The following VIPAS39 variants were observed in gnomAD, a reference collection of about 807,000 sequenced individuals.
VIPAS39 encodes VPS33B interacting protein, apical-basolateral polarity regulator, spe-39 homolog.
A neutral mutation model predicts 84.7 loss-of-function variants in VIPAS39; 63 were observed. That is an observed-to-expected ratio of 0.74 (90% CI 0.61 to 0.92). The LOEUF is 0.92. Among genes scored for constraint, VIPAS39 ranks in the 40% least tolerant of loss-of-function variants. The pLI, the probability that VIPAS39 is intolerant of heterozygous loss-of-function variation, is 0.00. For missense variants in VIPAS39, 499 were observed against 604.5 expected (o/e 0.83, Z 1.83); for synonymous variants, 192 against 216.5 (o/e 0.89, Z 0.99).
chr14:77,448,731 C>T (rs1045955132), intron 6 of VIPAS39, among the ~76,000 whole-genome samples, 181 bp from the exon 7 acceptor site: 1 of 152,096 alleles, frequency 6.6e-6, no homozygotes, highest in Non-Finnish European at 1.5e-5. Context: ...GGAACTAGAG[C>T]AGGGGCAATA....
Position 77,457,490 on chromosome 14 carries a change from C to T in VIPAS39, c.-1+5G>A. ...CGCGACCCAAGGGGCTTGGGACACC[C>T]TCACCTCTTCCGCACAGAGCCCTCC... is the stretch of plus-strand genomic sequence containing the variant. On this transcript the variant is annotated splice_donor_5th_base_variant and intron_variant, in intron 1 of 19. Coordinates refer to ENST00000557658, the MANE Select transcript of VIPAS39 (RefSeq NM_001193315.2). 1 of 1,208,028 alleles carries T rather than the reference C, an allele frequency of 8.3e-7. No individual in the cohort carries two copies. Among genetic ancestry groups the T allele is most frequent in the Non-Finnish European group, 1.2e-6 (1 of 856,580 alleles). 74.8% of individuals were successfully genotyped at this position (1,208,028 alleles called of 1,614,324 possible). A position where few individuals can be genotyped will look rare whatever the true frequency, so the allele number is the denominator to read the frequency against.
chr14:77,442,798 T>A lies in VIPAS39; in HGVS notation c.632-136A>T, dbSNP rs114931460. 22,749 of 865,696 alleles carry A rather than the reference T, an allele frequency of 0.026. 405 individuals are homozygous for A. The highest frequency in any genetic ancestry group is 0.033 in the Non-Finnish European group (17,278 of 525,338). 53.6% of individuals were successfully genotyped at this position (865,696 alleles called of 1,614,324 possible). A position where few individuals can be genotyped will look rare whatever the true frequency, so the allele number is the denominator to read the frequency against. ...AAGCTAAGAATGGTTTACCCCTATG[T>A]CTTAATTCACCATCAACACACTCAG... On this transcript the variant is annotated intron_variant, in intron 9 of 19. Coordinates refer to ENST00000557658, the MANE Select transcript of VIPAS39 (RefSeq NM_001193315.2).
At chr14:77,434,409 C>A in intron 14 of VIPAS39, 106 bp from the exon 15 acceptor site, 1 of 1,024,432 alleles carries the variant, frequency 9.8e-7, no homozygotes, top group East Asian at 2.4e-5. Context: ...TCTTACTCTG[C>A]TGCCATTTAA....
intron 7 of VIPAS39, among the ~76,000 whole-genome samples, chr14:77,446,502 T>C (rs1363824252): frequency 6.6e-6 from 1 of 152,128 alleles, no homozygotes; most frequent in Non-Finnish European, 1.5e-5. Context: ...ATTATTATGA[T>C]CATTGCCAAT....
chr14:77,438,559 A>G (rs2078652273), intron 11 of VIPAS39, among the ~76,000 whole-genome samples: 1 of 152,264 alleles, frequency 6.6e-6, no homozygotes, highest in Non-Finnish European at 1.5e-5. Flanking sequence ...CATTGTAGAA[A>G]GTTCTATTGG....
intron 1 of VIPAS39, among the ~76,000 whole-genome samples, chr14:77,455,002 A>C (rs1045927906): frequency 5.3e-5 from 8 of 152,234 alleles, no homozygotes; most frequent in Admixed American, 2.0e-4. Flanking sequence ...CAATTAAAAG[A>C]AGCAGAATTA....
chr14:77,429,247 G>A (rs2078481273), intron 17 of VIPAS39, 152 bp from the exon 18 acceptor site: 1 of 709,448 alleles, frequency 1.4e-6, no homozygotes, highest in East Asian at 2.8e-5. Flanking sequence ...TTCTGCAATG[G>A]GAATGAGGTA....
At position 77,426,966 on chromosome 14, in the gene VIPAS39, G is replaced by A. The variant is rs1466890725; in HGVS notation, c.*650C>T. The A allele has an allele frequency of 6.6e-6, 1 of 152,634 alleles. No individual in the cohort carries two copies. The highest frequency in any genetic ancestry group is 1.5e-5 in the Non-Finnish European group (1 of 68,406). The allele number at this position is 152,634 out of a possible 1,614,324, so 9.5% of individuals were successfully genotyped here. On this transcript the variant is annotated 3_prime_UTR_variant, in exon 20 of 20. Transcript: ENST00000557658. ...GCCAGCAGTAGAGGAAGAGATAAAG[G>A]GGATGTCTCATCACCCAAGCAAGGT... is the stretch of plus-strand genomic sequence containing the variant.
At chr14:77,438,059 C>G (rs2078642108) in intron 11 of VIPAS39, among the ~76,000 whole-genome samples, 178 bp from the exon 12 acceptor site, 1 of 152,086 alleles carries the variant, frequency 6.6e-6, no homozygotes, top group Admixed American at 6.5e-5. Flanking sequence ...GTAGGTTTAT[C>G]TATAACTGCA....
chr14:77,436,904 G>A (rs1026407794), intron 12 of VIPAS39, among the ~76,000 whole-genome samples: 11 of 152,152 alleles, frequency 7.2e-5, no homozygotes, highest in African/African-American at 2.7e-4. Flanking sequence ...CTCACTCCAG[G>A]AAGAATTCTG....
In VIPAS39 at chr14:77,433,486, C is replaced by G. The variant is rs138343990; in HGVS notation, c.1179+356G>C. Among the ~76,000 whole-genome samples the G allele has an allele frequency of 6.3e-3, 958 of 152,296 alleles. 11 individuals are homozygous for G. Among genetic ancestry groups the G allele is most frequent in the African/African-American group, 0.022 (909 of 41,558 alleles). ...AAAGTGCTGGGATTATAGGCGTGAGCCACCGCGCCCAGCCCAATATTGTGC... is the reference window on the plus strand; with the variant it reads ...AAAGTGCTGGGATTATAGGCGTGAGGCACCGCGCCCAGCCCAATATTGTGC... On this transcript the variant is annotated intron_variant, in intron 16 of 19. Coordinates refer to ENST00000557658, the MANE Select transcript of VIPAS39 (RefSeq NM_001193315.2).
chr14:77,448,482 C>A lies in VIPAS39; in HGVS notation c.504+12G>T. The A allele has an allele frequency of 1.9e-6, 3 of 1,614,086 alleles. No individual in the cohort carries two copies. The highest frequency in any genetic ancestry group is 2.5e-6 in the Non-Finnish European group (3 of 1,179,938). On this transcript the variant is annotated intron_variant, in intron 7 of 19. Transcript: ENST00000557658. ...CTTCCCAAAGAACCTCACAAAAATT[C>A]TCTGTCCTTACCTTGCCCTTCCGGA...
At position 77,449,226 on chromosome 14, in the gene VIPAS39, C is replaced by T. The variant is rs546154808; in HGVS notation, c.447+67G>A. 187 of 1,522,482 alleles carry T rather than the reference C, an allele frequency of 1.2e-4. 2 individuals are homozygous for T. In the East Asian group the frequency reaches 4.0e-3, roughly 33 times the overall value. 94.3% of individuals were successfully genotyped at this position (1,522,482 alleles called of 1,614,324 possible). On this transcript the variant is annotated intron_variant, in intron 6 of 19. Coordinates refer to ENST00000557658, the MANE Select transcript of VIPAS39 (RefSeq NM_001193315.2). ...TACTCAAATAGTTGGGAAAATCAAG[C>T]CAGGTAACATATGTCAAGGTACTTT...
chr14:77,437,424 G>C (rs941014835), intron 12 of VIPAS39, among the ~76,000 whole-genome samples: 15 of 152,042 alleles, frequency 9.9e-5, no homozygotes, highest in Non-Finnish European at 5.9e-5. Flanking sequence ...CTGAAAAAAT[G>C]CATCAGGTCC....
intron 7 of VIPAS39, 32 bp downstream of exon 7, chr14:77,448,462 C>G: frequency 6.2e-7 from 1 of 1,612,178 alleles, no homozygotes; most frequent in Non-Finnish European, 8.5e-7. Context: ...CCCAGCTTCC[C>G]AAAGAACCTC....
chr14:77,435,325 G>T lies in VIPAS39; in HGVS notation c.981C>A (p.Ser327=). Residue 327 remains serine, a synonymous_variant, in exon 14 of 20, where the codon TCC becomes TCA. Coordinates refer to ENST00000557658, the MANE Select transcript of VIPAS39 (RefSeq NM_001193315.2). ...TTGTCACTAGTGGCATGTTGAGGAT[G>T]GAGGCTTTGCGGGGGTGCTTTCGGA... The part of the protein sequence containing the change: ...EIFRKHPRKA[S]ILNMPLVTTL... 2 of 1,614,004 alleles carry T rather than the reference G, an allele frequency of 1.2e-6. No individual in the cohort carries two copies.
chr14:77,450,266 C>G (rs1355984188), intron 4 of VIPAS39, among the ~76,000 whole-genome samples: 1 of 152,196 alleles, frequency 6.6e-6, no homozygotes, highest in African/African-American at 2.4e-5. Context: ...ATCACATCCT[C>G]AAGGATCATC....
At chr14:77,446,181 C>T (rs1340445871) in intron 7 of VIPAS39, among the ~76,000 whole-genome samples, 7 of 152,006 alleles carry the variant, frequency 4.6e-5, no homozygotes, top group Admixed American at 3.9e-4. Context: ...TAAAGATTTT[C>T]GTCTATATTT....
intron 8 of VIPAS39, 78 bp from the exon 9 acceptor site, chr14:77,443,230 G>A (rs1363898951): frequency 1.9e-6 from 3 of 1,545,142 alleles, no homozygotes; most frequent in Non-Finnish European, 2.7e-6. Flanking sequence ...CACGGGGCCA[G>A]CAACTCATTA....
Sources: allele counts gnomAD v4.1 joint callset (sites outside exome capture counted in the v4.1 genomes callset), GRCh38; gene constraint gnomAD v4.1.1; transcripts MANE v1.5; gene names NCBI Gene and HGNC (gene_info 2026-07-23, HGNC 2026-07-21).